Variants in C1QTNF2 observed in about 807,000 individuals in gnomAD.
The protein encoded by C1QTNF2 is complement C1q tumor necrosis factor-related protein 2.
Under a neutral mutation model 17.4 loss-of-function variants are expected in C1QTNF2, and 15 were observed. The observed-to-expected ratio is 0.86, with a 90% CI of 0.58 to 1.33. The LOEUF (loss-of-function observed/expected upper bound fraction) is 1.33, where lower values mean the gene tolerates loss of function less well. C1QTNF2 is among the 40% of genes most tolerant of loss of function. C1QTNF2 has a pLI of 0.00. For missense variants in C1QTNF2, 381 were observed against 392.3 expected (o/e 0.97, Z 0.24); for synonymous variants, 154 against 163.3 (o/e 0.94, Z 0.44).
chr5:160,357,431 G>A (rs577852656), intron 1 of C1QTNF2, among the ~76,000 whole-genome samples: 4 of 152,158 alleles, frequency 2.6e-5, no homozygotes, highest in African/African-American at 7.2e-5. Context: ...AGGCAGGTAC[G>A]GCAAACATCA....
intron 1 of C1QTNF2, among the ~76,000 whole-genome samples, chr5:160,359,436 A>G (rs964086638): frequency 9.9e-5 from 15 of 152,238 alleles, no homozygotes. Flanking sequence ...CCATTATGTC[A>G]GCATTTCTTA....
intron 2 of C1QTNF2, among the ~76,000 whole-genome samples, chr5:160,350,785 C>T (rs1031116142): frequency 6.8e-6 from 1 of 147,428 alleles, no homozygotes; most frequent in Non-Finnish European, 1.5e-5. Flanking sequence ...GAATCTTGCT[C>T]TGTCGCCCAG....
At chr5:160,356,090 C>T (rs916486740) in intron 1 of C1QTNF2, among the ~76,000 whole-genome samples, 1 of 152,216 alleles carries the variant, frequency 6.6e-6, no homozygotes, top group Non-Finnish European at 1.5e-5. Context: ...ACTCCCTGCC[C>T]TCACTATGCA....
intron 1 of C1QTNF2, among the ~76,000 whole-genome samples, chr5:160,360,788 G>A (rs752089849): frequency 6.0e-5 from 9 of 151,240 alleles, no homozygotes; most frequent in Admixed American, 1.3e-4. Flanking sequence ...GATAAACTTG[G>A]ATGAGTTCTT....
At position 160,354,633 on chromosome 5, in the gene C1QTNF2, TAG is replaced by T. The variant is rs60692321; in HGVS notation, c.244+133_244+134del. On this transcript the variant is annotated intron_variant, in intron 2 of 2. Coordinates refer to ENST00000652664, the MANE Select transcript of C1QTNF2 (RefSeq NM_031908.6). ...ATATATATATATATATATATATATA[TAG>T]ATTTATAAGTAAATAGTAATTTGAT... 2.7e-3 allele frequency: 1,062 copies of T among 398,150 alleles called. 37 individuals carry two copies. The highest frequency in any genetic ancestry group is 0.025 in the African/African-American group (959 of 38,912). 24.7% of individuals were successfully genotyped at this position (398,150 alleles called of 1,614,324 possible).
At chr5:160,354,597 A>AAAAAAAAAAAT (rs769774870) in intron 2 of C1QTNF2, among the ~76,000 whole-genome samples, 171 bp downstream of exon 2, 1 of 89,306 alleles carries the variant, frequency 1.1e-5, no homozygotes, top group Admixed American at 1.2e-4. Context: ...AAAAAAAAAA[A>AAAAAAAAAAAT]GTATATATAT....
intron 1 of C1QTNF2, among the ~76,000 whole-genome samples, chr5:160,364,194 C>A (rs1764206543): frequency 1.3e-5 from 2 of 152,230 alleles, no homozygotes; most frequent in Non-Finnish European, 2.9e-5. Context: ...GTATTTCACA[C>A]TTGCAGCGGA....
chr5:160,353,546 C>T (rs75756633), intron 2 of C1QTNF2, among the ~76,000 whole-genome samples: 2,872 of 152,122 alleles, frequency 0.019, 70 homozygotes, highest in African/African-American at 0.065. Flanking sequence ...AATGGAGGCA[C>T]CTCACCTCCT....
At position 160,354,975 on chromosome 5, in the gene C1QTNF2, AG is replaced by A. The variant is rs1200292726; in HGVS notation, c.36del (p.Cys13ValfsTer44). ...GCGCCAAGCAGTGGGTCAGCAGCAC[AG>A]GGGAGGGCACAGGCCAGGAGCACCC... ...IPWVLLACALPCAADPLLGAF... is the reference protein window; with the variant it reads ...IPWVLLACALXCAADPLLGAF... On this transcript the variant is annotated frameshift_variant, in exon 2 of 3. Transcript: ENST00000652664. LOFTEE classifies it high-confidence loss of function. The A allele has an allele frequency of 6.3e-7, 1 of 1,590,976 alleles. No individual in the cohort carries two copies. The highest frequency in any genetic ancestry group is 8.5e-7 in the Non-Finnish European group (1 of 1,169,658).
In C1QTNF2 at chr5:160,354,975, A is replaced by AT; in HGVS notation, c.36_37insA (p.Cys13MetfsTer4). 6.3e-7 allele frequency: 1 copy of AT among 1,590,978 alleles called. No individual in the cohort carries two copies. The highest frequency in any genetic ancestry group is 8.5e-7 in the Non-Finnish European group (1 of 1,169,660). On this transcript the variant is annotated frameshift_variant, in exon 2 of 3. Coordinates refer to ENST00000652664, the MANE Select transcript of C1QTNF2 (RefSeq NM_031908.6). LOFTEE classifies it high-confidence loss of function. Reference sequence around the variant, plus strand: ...GCGCCAAGCAGTGGGTCAGCAGCACAGGGGAGGGCACAGGCCAGGAGCACC... The same window carrying AT: ...GCGCCAAGCAGTGGGTCAGCAGCACATGGGGAGGGCACAGGCCAGGAGCACC...
intron 1 of C1QTNF2, among the ~76,000 whole-genome samples, chr5:160,358,020 C>T (rs529178911): frequency 2.0e-4 from 30 of 152,392 alleles, no homozygotes; most frequent in African/African-American, 7.0e-4. Flanking sequence ...CTCTTGCCCA[C>T]AATGGCCTTG....
rs951189117 is a variant in C1QTNF2 at position 160,368,980 on chromosome 5, T to C, written c.-10+1532A>G. On this transcript the variant is annotated intron_variant, in intron 1 of 2. Coordinates refer to ENST00000652664, the MANE Select transcript of C1QTNF2 (RefSeq NM_031908.6). ...CAAAGTAAGCCTGTATATGCAGATA[T>C]GAAAACATGGCGAAGACACACTGTT... 9.2e-5 allele frequency among the ~76,000 whole-genome samples: 14 copies of C among 151,600 alleles called. No individual in the cohort carries two copies. The East Asian group carries it at 9.7e-4, about 10-fold the overall frequency.
At position 160,349,381 on chromosome 5, in the gene C1QTNF2, G is replaced by A. The variant is rs1465946409; in HGVS notation, c.645C>T (p.Asn215=). The part of the protein sequence containing the change: ...NKHLAIGLVH[N]GQYRIRTFDA... ...CAAAGGTCCGGATGCGGTACTGGCCGTTGTGCACCAGGCCGATGGCCAGGT... is the reference window on the plus strand; with the variant it reads ...CAAAGGTCCGGATGCGGTACTGGCCATTGTGCACCAGGCCGATGGCCAGGT... Residue 215 remains asparagine (N), a synonymous_variant, in exon 3 of 3, where the codon AAC becomes AAT. Transcript: ENST00000652664. This position sits in a 1 kb window ranked among gnomAD's most constrained non-coding sequence, Gnocchi z 4.3. 8.7e-6 allele frequency: 14 copies of A among 1,613,988 alleles called. No homozygotes were observed. In the African/African-American group the frequency reaches 1.1e-4, roughly 12 times the overall value.
intron 1 of C1QTNF2, among the ~76,000 whole-genome samples, chr5:160,361,436 C>G (rs761210913): frequency 6.6e-6 from 1 of 152,186 alleles, no homozygotes; most frequent in South Asian, 2.1e-4. Context: ...TGAACAGTCT[C>G]CCGTTGCAGA....
chr5:160,363,591 C>G (rs1426355281), intron 1 of C1QTNF2, among the ~76,000 whole-genome samples: 1 of 152,210 alleles, frequency 6.6e-6, no homozygotes, highest in African/African-American at 2.4e-5. Flanking sequence ...TATGTTAAAG[C>G]TGAAGAATTA....
chr5:160,368,839 CT>C, intron 1 of C1QTNF2, among the ~76,000 whole-genome samples: 2 of 152,218 alleles, frequency 1.3e-5, no homozygotes, highest in Admixed American at 1.3e-4. Flanking sequence ...AAAGTGACAC[CT>C]TGGAGAACTT....
At position 160,354,793 on chromosome 5, in the gene C1QTNF2, G is replaced by T. The variant is rs374059200; in HGVS notation, c.219C>A (p.Gly73=). 3 of 1,613,550 alleles carry T rather than the reference G, an allele frequency of 1.9e-6. No homozygotes were observed. Among genetic ancestry groups the T allele is most frequent in the Non-Finnish European group, 2.5e-6 (3 of 1,179,930 alleles). Residue 73 remains glycine (G), a synonymous_variant, in exon 2 of 3, where the codon GGC becomes GGA. Coordinates refer to ENST00000652664, the MANE Select transcript of C1QTNF2 (RefSeq NM_031908.6). The part of the protein sequence containing the change: ...PGKDGQDGHD[G]DRGDSGEEGP... ...CTTCCTCTCCGCTGTCCCCCCGGTC[G>T]CCGTCGTGTCCATCTTGGCCGTCTT...
intron 1 of C1QTNF2, among the ~76,000 whole-genome samples, chr5:160,357,135 G>A (rs1369848632): frequency 1.3e-5 from 2 of 152,158 alleles, no homozygotes; most frequent in Non-Finnish European, 2.9e-5. Flanking sequence ...TCCTGTCCCT[G>A]TACCTCCCCT....
chr5:160,366,219 C>T (rs1368906455), intron 1 of C1QTNF2, among the ~76,000 whole-genome samples: 10 of 152,184 alleles, frequency 6.6e-5, no homozygotes, highest in Non-Finnish European at 1.2e-4. Context: ...GTTTTCCATT[C>T]GGCCCGTGAG....
Sources: allele counts gnomAD v4.1 joint callset (sites outside exome capture counted in the v4.1 genomes callset), GRCh38; gene constraint gnomAD v4.1.1; non-coding constraint Gnocchi (gnomAD v3.1); transcripts MANE v1.5; gene names NCBI Gene and HGNC (gene_info 2026-07-23, HGNC 2026-07-21).